CEP170: variants seen among roughly 807,000 people sequenced by gnomAD.
The protein encoded by CEP170 is centrosomal protein 170, also known as centrosomal protein of 170 kDa.
CEP170 carries 21 observed loss-of-function variants against 151.9 expected under a neutral mutation model. That is an observed-to-expected ratio of 0.14 (90% CI 0.10 to 0.20). The LOEUF is 0.20. Among genes scored for constraint, CEP170 ranks in the 10% least tolerant of loss-of-function variants. The pLI, the probability that CEP170 is intolerant of heterozygous loss-of-function variation, is 1.00. For synonymous variants in CEP170, 356 were observed against 648.8 expected (o/e 0.55, Z 6.86); for missense variants, 964 against 1,892.9 (o/e 0.51, Z 9.11).
intron 14 of CEP170, among the ~76,000 whole-genome samples, chr1:243,144,859 G>A (rs565583281): frequency 2.6e-5 from 4 of 152,206 alleles, no homozygotes; most frequent in Non-Finnish European, 5.9e-5. Flanking sequence ...AAACAGAAGG[G>A]TTCAGTTCTC....
chr1:243,172,659 T>A (rs746549450), intron 11 of CEP170, 38 bp downstream of exon 11: 8 of 1,474,662 alleles, frequency 5.4e-6, no homozygotes, highest in South Asian at 4.3e-5. Context: ...GAATTTATAC[T>A]TTATGCATTC....
chr1:243,221,895 T>A, intron 2 of CEP170, 82 bp from the exon 3 acceptor site: 1 of 1,193,372 alleles, frequency 8.4e-7, no homozygotes, highest in Non-Finnish European at 1.2e-6. Context: ...TACCTAATAT[T>A]AATAGGACAG....
intron 3 of CEP170, among the ~76,000 whole-genome samples, chr1:243,215,381 C>G (rs567097249): frequency 2.6e-5 from 4 of 152,114 alleles, no homozygotes; most frequent in African/African-American, 9.7e-5. Context: ...CTTTCAAAAG[C>G]GAATAGGAGA....
At chr1:243,244,541 G>A (rs1348208645) in intron 1 of CEP170, among the ~76,000 whole-genome samples, 1 of 149,958 alleles carries the variant, frequency 6.7e-6, no homozygotes, top group Non-Finnish European at 1.5e-5. Context: ...TCAGGAACTT[G>A]AGACCGGCCT....
chr1:243,147,351 C>T (rs1441104038), intron 14 of CEP170, among the ~76,000 whole-genome samples: 5 of 152,332 alleles, frequency 3.3e-5, no homozygotes, highest in African/African-American at 1.2e-4. Context: ...TGGATATCTT[C>T]TTTCTTTTTT....
chr1:243,247,126 T>A (rs2065478463), intron 1 of CEP170, among the ~76,000 whole-genome samples: 1 of 152,170 alleles, frequency 6.6e-6, no homozygotes, highest in African/African-American at 2.4e-5. Flanking sequence ...AATTTGCACT[T>A]TTTCTATTCC....
chr1:243,166,086 A>G lies in CEP170; in HGVS notation c.1874T>C (p.Val625Ala), dbSNP rs763038195. Residue 625 changes from valine to alanine, a missense_variant, in exon 13 of 20, where the codon GTG becomes GCG. Val to Ala is a moderately conservative substitution (Grantham distance 64). Coordinates refer to ENST00000366542, the MANE Select transcript of CEP170 (RefSeq NM_014812.3). The stretch of plus-strand genomic sequence containing the variant: ...GGAAGTTGCAGAGCCAGTACTTCTC[A>G]CTGTCATGCCAGACTCACTGATCTC... ...ETEISESGMT[V>A]RSTGSATSLA... is the part of the protein sequence containing the mutation. 1 of 1,612,850 alleles carries G rather than the reference A, an allele frequency of 6.2e-7. No homozygotes were observed. Among genetic ancestry groups the G allele is most frequent in the East Asian group, 2.2e-5 (1 of 44,894 alleles).
intron 10 of CEP170, among the ~76,000 whole-genome samples, chr1:243,180,070 A>G (rs1214558956): frequency 6.6e-6 from 1 of 152,188 alleles, no homozygotes; most frequent in Non-Finnish European, 1.5e-5. Flanking sequence ...ATAACACTAA[A>G]CGCTACATTT....
At chr1:243,241,937 T>C (rs2064888719) in intron 1 of CEP170, among the ~76,000 whole-genome samples, 2 of 151,682 alleles carry the variant, frequency 1.3e-5, no homozygotes, top group Admixed American at 1.3e-4. Flanking sequence ...AGAAAACATA[T>C]TAGAGCACAG....
At chr1:243,145,271 A>C (rs1431302562) in intron 14 of CEP170, among the ~76,000 whole-genome samples, 1 of 152,206 alleles carries the variant, frequency 6.6e-6, no homozygotes, top group African/African-American at 2.4e-5. Flanking sequence ...GCTATTTAAA[A>C]ATTTGCCTTA....
chr1:243,237,667 C>T (rs983442575), intron 1 of CEP170, among the ~76,000 whole-genome samples: 2 of 152,080 alleles, frequency 1.3e-5, no homozygotes, highest in African/African-American at 2.4e-5. Context: ...TTTGGGAGGC[C>T]GAGGAGGGTG....
At chr1:243,154,494 T>G (rs917704183) in intron 14 of CEP170, among the ~76,000 whole-genome samples, 1 of 152,238 alleles carries the variant, frequency 6.6e-6, no homozygotes, top group East Asian at 1.9e-4. Context: ...CCCTCCTTTT[T>G]TCTCCACATA....
chr1:243,182,904 AAC>A (rs1041896873), intron 10 of CEP170, among the ~76,000 whole-genome samples: 1 of 152,166 alleles, frequency 6.6e-6, no homozygotes, highest in African/African-American at 2.4e-5. Flanking sequence ...CAAATGAATA[AAC>A]AGTGAACTGG....
At chr1:243,249,859 G>T (rs768045917) in intron 1 of CEP170, among the ~76,000 whole-genome samples, 2 of 152,326 alleles carry the variant, frequency 1.3e-5, no homozygotes, top group South Asian at 2.1e-4. Context: ...CTAGGCAGTG[G>T]ACCATGAGGT....
rs376494331 is a variant in CEP170 at position 243,146,356 on chromosome 1, C to T, written c.3912-3893G>A. 4.3e-4 allele frequency among the ~76,000 whole-genome samples: 66 copies of T among 152,228 alleles called. 2 individuals are homozygous for T. The South Asian group carries it at 0.011, about 26-fold the overall frequency. ...TCGCGAAGAACGCAGAAGAGATTAG[C>T]GACCCCTCTCCTTCCCAATTCCTTC... On this transcript the variant is annotated intron_variant, in intron 14 of 19. Transcript: ENST00000366542.
intron 8 of CEP170, among the ~76,000 whole-genome samples, chr1:243,190,302 AAT>A (rs1275215438): frequency 6.6e-6 from 1 of 152,188 alleles, no homozygotes; most frequent in African/African-American, 2.4e-5. Context: ...TTCTAAAATA[AAT>A]TTAATTGGCA....
chr1:243,124,853 CT>C lies in CEP170; in HGVS notation c.*1595del, dbSNP rs2053581990. On this transcript the variant is annotated 3_prime_UTR_variant, in exon 20 of 20. Coordinates refer to ENST00000366542, the MANE Select transcript of CEP170 (RefSeq NM_014812.3). ...TTATTAGACAGAATGGGGAATTTAG[CT>C]TTACAAGGAGAATAGTTCATTTACC... is the stretch of plus-strand genomic sequence containing the variant. The C allele has an allele frequency of 1.3e-5, 2 of 151,110 alleles. No individual in the cohort carries two copies. Among genetic ancestry groups the C allele is most frequent in the Admixed American group, 1.3e-4 (2 of 15,134 alleles). 9.4% of individuals were successfully genotyped at this position (151,110 alleles called of 1,614,324 possible).
rs547717001 is a variant in CEP170 at position 243,139,159 on chromosome 1, T to C, written c.4230+778A>G. Among the ~76,000 whole-genome samples, 88 of 151,728 alleles carry C rather than the reference T, an allele frequency of 5.8e-4. 1 individual carries two copies. The South Asian group carries it at 0.018, about 31-fold the overall frequency. ...CTCTGTCACCCAGGCTGGAGTGCAG[T>C]GGTGTGGGTTCAGCTCACTGCAACC... On this transcript the variant is annotated intron_variant, in intron 16 of 19. Coordinates refer to ENST00000366542, the MANE Select transcript of CEP170 (RefSeq NM_014812.3).
At chr1:243,221,220 T>C (rs1207247471) in intron 3 of CEP170, among the ~76,000 whole-genome samples, 1 of 152,192 alleles carries the variant, frequency 6.6e-6, no homozygotes, top group African/African-American at 2.4e-5. Context: ...GAGAGGGGGT[T>C]CACCGTGTTA....
Sources: allele counts gnomAD v4.1 joint callset (sites outside exome capture counted in the v4.1 genomes callset), GRCh38; gene constraint gnomAD v4.1.1; transcripts MANE v1.5; gene names NCBI Gene and HGNC (gene_info 2026-07-23, HGNC 2026-07-21).